The following CADM4 variants were observed in gnomAD, a reference collection of about 807,000 sequenced individuals.
CADM4 encodes the protein cell adhesion molecule 4, also known as TSLC1-like 2.
Under a neutral mutation model 43.9 loss-of-function variants are expected in CADM4, and 13 were observed. That is an observed-to-expected ratio of 0.30 (90% confidence interval 0.19 to 0.47). CADM4 has a LOEUF of 0.47. CADM4 is among the 20% of genes least tolerant of loss of function. The pLI is 1.00. For synonymous variants in CADM4, 209 were observed against 220.9 expected (o/e 0.95, Z 0.48); for missense variants, 420 against 527.0 (o/e 0.80, Z 1.99).
rs779010353 is a variant in CADM4, at chr19:43,626,085, C to T, written c.664+39G>A. 4 of 1,611,660 alleles carry T rather than the reference C, an allele frequency of 2.5e-6. No individual in the cohort carries two copies. The highest frequency in any genetic ancestry group is 1.7e-5 in the Admixed American group (1 of 59,720). On this transcript the variant is annotated intron_variant, in intron 5 of 8. Transcript: ENST00000222374. This position sits in a 1 kb window ranked among gnomAD's most constrained non-coding sequence, Gnocchi z 5.9. ...GACCCTCGCGGGTGCGGGTGGCTGG[C>T]GTTGGGATCCCTTGGGTCCTGGCCC...
chr19:43,630,874 T>G (rs1341641355), intron 1 of CADM4, among the ~76,000 whole-genome samples: 2 of 152,194 alleles, frequency 1.3e-5, no homozygotes, highest in Admixed American at 1.3e-4. Context: ...GCTATTTGTC[T>G]TTAAGTGCTG....
Position 43,626,656 on chromosome 19 carries a change from C to CTCGA in CADM4, c.499+124_499+127dup, listed in dbSNP as rs1568540823. The CTCGA allele has an allele frequency of 2.3e-6, 3 of 1,282,914 alleles. No homozygotes were observed. Among genetic ancestry groups the CTCGA allele is most frequent in the Non-Finnish European group, 3.2e-6 (3 of 951,794 alleles). The allele number at this position is 1,282,914 out of a possible 1,614,324, so 79.5% of individuals were successfully genotyped here. ...AGGACTACAGGCGTGAGCCACCGCG[C>CTCGA]TCGACATCAACCACTACATATTGAA... On this transcript the variant is annotated intron_variant, in intron 4 of 8. Coordinates refer to ENST00000222374, the MANE Select transcript of CADM4 (RefSeq NM_145296.2). This position sits in a 1 kb window ranked among gnomAD's most constrained non-coding sequence, Gnocchi z 5.9.
intron 1 of CADM4, among the ~76,000 whole-genome samples, chr19:43,636,377 G>A (rs921268119): frequency 6.6e-6 from 1 of 152,076 alleles, no homozygotes; most frequent in African/African-American, 2.4e-5. Flanking sequence ...GGCCTGCACT[G>A]AGCTCCCTCT....
At position 43,627,191 on chromosome 19, in the gene CADM4, G is replaced by A. The variant is rs1340401511; in HGVS notation, c.339C>T (p.His113=). The A allele has an allele frequency of 1.9e-6, 3 of 1,605,754 alleles. No individual in the cohort carries two copies. Among genetic ancestry groups the A allele is most frequent in the Non-Finnish European group, 2.6e-6 (3 of 1,175,192 alleles). The change falls in exon 3 of 9, where the codon CAC becomes CAT. Residue 113 remains histidine (H), a synonymous_variant. Coordinates refer to ENST00000222374, the MANE Select transcript of CADM4 (RefSeq NM_145296.2). The surrounding 1 kb of genome is among the most constrained non-coding windows in gnomAD (Gnocchi z 4.0). ...CTAGTACCGTGAGCGTGGCAATCTG[G>A]TGGTGGGTGTCTTCTGTGTAGAGCT... The part of the protein sequence containing the change: ...FCQLYTEDTH[H]QIATLTVLVA...
At chr19:43,635,326 GC>G (rs1415066201) in intron 1 of CADM4, among the ~76,000 whole-genome samples, 1 of 150,680 alleles carries the variant, frequency 6.6e-6, no homozygotes, top group African/African-American at 2.4e-5. Context: ...ACCCCCCTCA[GC>G]CCCCCATCAA....
chr19:43,630,740 C>T (rs1973610589), intron 1 of CADM4, among the ~76,000 whole-genome samples: 1 of 152,158 alleles, frequency 6.6e-6, no homozygotes, highest in African/African-American at 2.4e-5. Context: ...GATTAAGTGT[C>T]CATCATTGGC....
chr19:43,624,973 C>A, intron 7 of CADM4, 105 bp downstream of exon 7: 1 of 1,264,726 alleles, frequency 7.9e-7, no homozygotes, highest in South Asian at 1.5e-5. Context: ...AAAAAGAACT[C>A]TGTTGGCTGC....
intron 1 of CADM4, 117 bp downstream of exon 1, chr19:43,639,610 G>T (rs1357197803): frequency 5.0e-6 from 3 of 595,704 alleles, no homozygotes; most frequent in Admixed American, 1.3e-4. Context: ...CCGGGGAGGG[G>T]GCCCGGCCCG....
At chr19:43,639,688 GCCCCAGCC>G (rs1973747917) in intron 1 of CADM4, 31 bp downstream of exon 1, 2 of 732,652 alleles carry the variant, frequency 2.7e-6, no homozygotes. Flanking sequence ...CGCGCCCCCC[GCCCCAGCC>G]CGGCCGGCCG....
intron 1 of CADM4, among the ~76,000 whole-genome samples, chr19:43,628,200 C>T (rs552923988): frequency 6.7e-6 from 1 of 150,008 alleles, no homozygotes; most frequent in South Asian, 2.1e-4. Flanking sequence ...CCGAGGTGGG[C>T]GGATCGCAAG....
At position 43,627,352 on chromosome 19, in the gene CADM4, G is replaced by T. The variant is rs763558378; in HGVS notation, c.212-34C>A. On this transcript the variant is annotated intron_variant, in intron 2 of 8. Transcript: ENST00000222374. This position sits in a 1 kb window ranked among gnomAD's most constrained non-coding sequence, Gnocchi z 4.0. ...AGTGAGGGGGAAGGTGTGAATTTCG[G>T]GAGTCCTGGCCTCACAAGTCCCACC... The T allele has an allele frequency of 1.3e-6, 2 of 1,538,542 alleles. No individual in the cohort carries two copies. The highest frequency in any genetic ancestry group is 1.4e-5 in the African/African-American group (1 of 73,024).
chr19:43,638,121 G>C (rs1310619745), intron 1 of CADM4, among the ~76,000 whole-genome samples: 1 of 152,250 alleles, frequency 6.6e-6, no homozygotes, highest in Non-Finnish European at 1.5e-5. Context: ...TTCTAAAGCA[G>C]TCACAGAAGA....
At chr19:43,635,307 C>T (rs1445597303) in intron 1 of CADM4, among the ~76,000 whole-genome samples, 1 of 151,962 alleles carries the variant, frequency 6.6e-6, no homozygotes, top group Admixed American at 6.6e-5. Context: ...ATCCCTGCGT[C>T]CTGACTGAAC....
At chr19:43,640,013 G>C (rs1248671397), upstream of CADM4, among the ~76,000 whole-genome samples, 4 of 150,704 alleles carry the variant, frequency 2.7e-5, no homozygotes, top group Non-Finnish European at 5.9e-5. Context: ...CTGGAGAGGA[G>C]AGGGGTGAGG....
chr19:43,626,414 C>A lies in CADM4; in HGVS notation c.500-126G>T, dbSNP rs1303737324. ...CTTACCCACAGGCCCCGCCTCTTGTCCTCCAAGCTACGCCCCTCCCCTAAC... is the reference window on the plus strand; with the variant it reads ...CTTACCCACAGGCCCCGCCTCTTGTACTCCAAGCTACGCCCCTCCCCTAAC... On this transcript the variant is annotated intron_variant, in intron 4 of 8. Transcript: ENST00000222374. This position sits in a 1 kb window ranked among gnomAD's most constrained non-coding sequence, Gnocchi z 5.9. The A allele has an allele frequency of 1.6e-6, 2 of 1,214,704 alleles. No individual in the cohort carries two copies. The highest frequency in any genetic ancestry group is 2.3e-6 in the Non-Finnish European group (2 of 872,782). 75.2% of individuals were successfully genotyped at this position (1,214,704 alleles called of 1,614,324 possible). A position where few individuals can be genotyped will look rare whatever the true frequency, so the allele number is the denominator to read the frequency against.
intron 7 of CADM4, 126 bp downstream of exon 7, chr19:43,624,952 G>A: frequency 1.9e-6 from 2 of 1,065,258 alleles, no homozygotes; most frequent in South Asian, 3.3e-5. Context: ...GGGCCAGTCT[G>A]GTCCCAAAAC....
At position 43,624,004 on chromosome 19, in the gene CADM4, T is replaced by G. The variant is rs1289789685; in HGVS notation, c.1057+110A>C. On this transcript the variant is annotated intron_variant, in intron 8 of 8. Transcript: ENST00000222374. ...ATCTCCGCCCCCGGTGCGGCGGGAT[T>G]TGGAATCCAGAGCCTAGGCTCCGCC... 7.2e-6 allele frequency: 10 copies of G among 1,395,034 alleles called. No homozygotes were observed. The African/African-American group carries it at 1.4e-4, about 20-fold the overall frequency. 86.4% of individuals were successfully genotyped at this position (1,395,034 alleles called of 1,614,324 possible).
At position 43,626,026 on chromosome 19, in the gene CADM4, G is replaced by T. The variant is rs773295743; in HGVS notation, c.665-25C>A. On this transcript the variant is annotated intron_variant, in intron 5 of 8. Coordinates refer to ENST00000222374, the MANE Select transcript of CADM4 (RefSeq NM_145296.2). This position sits in a 1 kb window ranked among gnomAD's most constrained non-coding sequence, Gnocchi z 5.9. ...TCTGTTAGGCAAAAGTAAGAGGAGA[G>T]AGTAGTTTCCAAGCCATCACGCAGG... is the stretch of plus-strand genomic sequence containing the variant. The T allele has an allele frequency of 9.3e-6, 15 of 1,614,002 alleles. No homozygotes were observed. The South Asian group carries it at 1.6e-4, about 18-fold the overall frequency.
intron 1 of CADM4, among the ~76,000 whole-genome samples, chr19:43,633,808 A>C (rs1973663308): frequency 6.6e-6 from 1 of 151,798 alleles, no homozygotes. Flanking sequence ...AGGCTACCAA[A>C]TAGCTAAGAC....
Sources: gnomAD v4.1 joint callset for allele counts (sites outside exome capture counted in the v4.1 genomes callset) on GRCh38, gnomAD v4.1.1 for gene constraint, Gnocchi (gnomAD v3.1) non-coding constraint, MANE v1.5 for transcripts, NCBI Gene and HGNC (gene_info 2026-07-23, HGNC 2026-07-21) for gene names.